PDE10A: variants seen among roughly 807,000 people sequenced by gnomAD.
PDE10A encodes cAMP and cAMP-inhibited cGMP 3',5'-cyclic phosphodiesterase 10A.
In PDE10A, 39 loss-of-function variants were observed where a neutral mutation model predicts 97.7. That is an observed-to-expected ratio of 0.40 (90% CI 0.31 to 0.52). The LOEUF is 0.52. Among genes scored for constraint, PDE10A ranks in the 20% least tolerant of loss-of-function variants. PDE10A has a pLI of 0.56. For missense variants in PDE10A, 731 were observed against 1,047.8 expected, an observed-to-expected ratio of 0.70 and a Z score of 4.17; for synonymous variants, 371 against 376.8, an observed-to-expected ratio of 0.98 and a Z score of 0.18.
intron 1 of PDE10A, among the ~76,000 whole-genome samples, chr6:165,906,604 A>G (rs1782293168): frequency 6.6e-6 from 1 of 152,228 alleles, no homozygotes. Context: ...AAGAATGGAA[A>G]TAATGGAAAG....
chr6:165,392,920 C>T, intron 15 of PDE10A, 124 bp from the exon 16 acceptor site: 1 of 794,986 alleles, frequency 1.3e-6, no homozygotes, highest in South Asian at 1.6e-5. Context: ...AAGATTTCCA[C>T]CCTGACTGAA....
chr6:165,879,428 G>A lies in PDE10A; in HGVS notation c.-615+108101C>T, dbSNP rs746841138. ...CCTCTGTGTCTGTTGTCGCCTGACT[G>A]TCCTCTCTCTGGGTCTTTGTGTCTG... On this transcript the variant is annotated intron_variant, in intron 1 of 19. Coordinates refer to the PDE10A transcript ENST00000366882. 2.6e-5 allele frequency among the ~76,000 whole-genome samples: 4 copies of A among 152,194 alleles called. No homozygotes were observed. The East Asian group carries it at 5.8e-4, about 22-fold the overall frequency.
chr6:165,875,307 T>G (rs1781302800), intron 1 of PDE10A, among the ~76,000 whole-genome samples: 2 of 152,174 alleles, frequency 1.3e-5, no homozygotes, highest in African/African-American at 4.8e-5. Context: ...TGATCTCTTA[T>G]GAAATGCCAT....
intron 1 of PDE10A, among the ~76,000 whole-genome samples, chr6:165,956,758 GAACAGATGTGTCAACCATGGT>G (rs1445637522): frequency 1.3e-5 from 2 of 152,218 alleles, no homozygotes; most frequent in African/African-American, 4.8e-5. Context: ...TGGAGCACAG[GAACAGATGTGTCAACCATGGT>G]ATGGAATCCG....
Position 165,654,854 on chromosome 6 carries a change from G to A in PDE10A, c.865+7093C>T, listed in dbSNP as rs148579376. Among the ~76,000 whole-genome samples, 74 of 152,240 alleles carry A rather than the reference G, an allele frequency of 4.9e-4. No homozygotes were observed. The East Asian group carries it at 0.012, about 25-fold the overall frequency. ...CTGGCTTCTTCCCTCTTGAGGCTCC[G>A]CTTCTGAACTCCAGGCCGTGCTACC... is the stretch of plus-strand genomic sequence containing the variant. On this transcript the variant is annotated intron_variant, in intron 1 of 21. Transcript: ENST00000539869.
At position 165,587,734 on chromosome 6, in the gene PDE10A, TA is replaced by T. The variant is rs1175637731; in HGVS notation, c.866-44167del. 2.4e-3 allele frequency among the ~76,000 whole-genome samples: 365 copies of T among 151,478 alleles called. 1 individual carries two copies. The highest frequency in any genetic ancestry group is 6.2e-3 in the African/African-American group (256 of 41,288). ...TATAAGGACTTTGGGAAATTACTGT[TA>T]AAAAAAAATGCAACACATAATTTTC... On this transcript the variant is annotated intron_variant, in intron 1 of 21. Coordinates refer to ENST00000539869, the MANE Select transcript of PDE10A (RefSeq NM_001385079.1).
intron 10 of PDE10A, among the ~76,000 whole-genome samples, chr6:165,423,760 G>C (rs551048025): frequency 2.7e-5 from 4 of 149,470 alleles, no homozygotes; most frequent in Non-Finnish European, 4.4e-5. Context: ...AGCTACTCGG[G>C]AGGCTGAGGC....
chr6:165,591,697 T>C (rs890290100), intron 1 of PDE10A, among the ~76,000 whole-genome samples: 1 of 152,196 alleles, frequency 6.6e-6, no homozygotes, highest in Non-Finnish European at 1.5e-5. Flanking sequence ...TGCTTTTTTG[T>C]TTTTTTAAGT....
chr6:165,375,013 T>C lies in PDE10A; in HGVS notation c.2783+4181A>G, dbSNP rs567416118. On this transcript the variant is annotated intron_variant, in intron 18 of 21. Coordinates refer to ENST00000539869, the MANE Select transcript of PDE10A (RefSeq NM_001385079.1). Reference sequence around the variant, plus strand: ...TATGATGGTGAACTTAATTGATAAATGTTGTGTGTATTCAGACTGCTCCAC... The same window carrying C: ...TATGATGGTGAACTTAATTGATAAACGTTGTGTGTATTCAGACTGCTCCAC... Among the ~76,000 whole-genome samples, 5 of 152,284 alleles carry C rather than the reference T, an allele frequency of 3.3e-5. No individual in the cohort carries two copies. The East Asian group carries it at 5.8e-4, about 18-fold the overall frequency.
At chr6:165,897,529 T>G (rs985659279) in intron 1 of PDE10A, among the ~76,000 whole-genome samples, 38 of 151,888 alleles carry the variant, frequency 2.5e-4, no homozygotes, top group African/African-American at 8.9e-4. Flanking sequence ...TGTGGCACAC[T>G]GCTGAGGGGT....
intron 18 of PDE10A, among the ~76,000 whole-genome samples, chr6:165,372,617 T>A (rs1784334231): frequency 6.6e-6 from 1 of 151,022 alleles, no homozygotes; most frequent in Admixed American, 6.6e-5. Context: ...TGCTCATGGG[T>A]AGGAAGAATC....
intron 18 of PDE10A, among the ~76,000 whole-genome samples, chr6:165,377,997 T>C (rs1418527549): frequency 6.6e-6 from 1 of 152,174 alleles, no homozygotes; most frequent in Admixed American, 6.5e-5. Context: ...TAAATAAGGT[T>C]CCCTAAATTG....
chr6:165,575,870 T>C (rs1785277007), intron 1 of PDE10A, among the ~76,000 whole-genome samples: 1 of 152,192 alleles, frequency 6.6e-6, no homozygotes, highest in Non-Finnish European at 1.5e-5. Flanking sequence ...TAGTATCAGA[T>C]ATTGTTACTG....
intron 5 of PDE10A, 103 bp downstream of exon 5, chr6:165,448,825 T>G (rs1283659870): frequency 8.4e-6 from 6 of 715,000 alleles, no homozygotes; most frequent in Non-Finnish European, 1.2e-5. Flanking sequence ...ATGATTTAAA[T>G]GAAAAGTACT....
intron 18 of PDE10A, among the ~76,000 whole-genome samples, chr6:165,351,636 G>C (rs1782699889): frequency 6.6e-6 from 1 of 152,148 alleles, no homozygotes; most frequent in Non-Finnish European, 1.5e-5. Flanking sequence ...AGCCCAGAAT[G>C]TGACTCCTTC....
At chr6:165,467,192 G>A (rs1402139094) in intron 3 of PDE10A, among the ~76,000 whole-genome samples, 1 of 152,222 alleles carries the variant, frequency 6.6e-6, no homozygotes, top group African/African-American at 2.4e-5. Context: ...TTTAAAGAAA[G>A]AAGCCATCTT....
intron 2 of PDE10A, among the ~76,000 whole-genome samples, chr6:165,504,546 C>T (rs1316563609): frequency 6.6e-6 from 1 of 152,108 alleles, no homozygotes; most frequent in Non-Finnish European, 1.5e-5. Flanking sequence ...TGCTTAGAGA[C>T]AGTCATTCAT....
chr6:165,675,530 GT>G (rs1233332155), intron 1 of PDE10A, among the ~76,000 whole-genome samples: 1 of 152,088 alleles, frequency 6.6e-6, no homozygotes, highest in Non-Finnish European at 1.5e-5. Context: ...TAAAATAGAC[GT>G]ACAAATACTG....
intron 1 of PDE10A, among the ~76,000 whole-genome samples, chr6:165,748,015 G>A (rs1288321285): frequency 1.3e-5 from 2 of 152,120 alleles, no homozygotes; most frequent in Non-Finnish European, 2.9e-5. Flanking sequence ...CCCAATTGGT[G>A]CTCACTGACC....
Sources: gnomAD v4.1 joint callset for allele counts (sites outside exome capture counted in the v4.1 genomes callset) on GRCh38, gnomAD v4.1.1 for gene constraint, MANE v1.5 for transcripts, NCBI Gene and HGNC (gene_info 2026-07-23, HGNC 2026-07-21) for gene names.